Variants in IL7R observed in about 807,000 individuals in gnomAD.
IL7R encodes the protein interleukin-7 receptor subunit alpha.
Under a neutral mutation model 47.0 loss-of-function variants are expected in IL7R, and 38 were observed. That is an observed-to-expected ratio of 0.81 (90% CI 0.62 to 1.06). The LOEUF (loss-of-function observed/expected upper bound fraction) is 1.06. Ranked by LOEUF, IL7R falls within the 50% of genes least tolerant of loss-of-function variation. The pLI is 0.00. For missense variants in IL7R, 633 were observed against 534.8 expected (o/e 1.18, Z -1.81); for synonymous variants, 221 against 199.8 (o/e 1.11, Z -0.89).
At chr5:35,859,548 C>T (rs1361749848) in intron 1 of IL7R, among the ~76,000 whole-genome samples, 3 of 152,102 alleles carry the variant, frequency 2.0e-5, no homozygotes, top group South Asian at 2.1e-4. Context: ...CTGGGAATGG[C>T]CAGAAAAACA....
rs967283595 is a variant in IL7R at position 35,877,089 on chromosome 5, G to A, written c.*603G>A. The A allele has an allele frequency of 8.5e-6, 2 of 235,052 alleles. No homozygotes were observed. Among genetic ancestry groups the A allele is most frequent in the South Asian group, 1.8e-4 (1 of 5,644 alleles). The allele number at this position is 235,052 out of a possible 1,614,324, so 14.6% of individuals were successfully genotyped here. A position where few individuals can be genotyped will look rare whatever the true frequency, so the allele number is the denominator to read the frequency against. ...CTAATTGCAGTTCCCTGAGCCATGT[G>A]CCTTTCTCTTCACTGAGGACTGCCC... On this transcript the variant is annotated 3_prime_UTR_variant, in exon 8 of 8. Coordinates refer to ENST00000303115, the MANE Select transcript of IL7R (RefSeq NM_002185.5).
chr5:35,862,649 G>A (rs149690034), intron 2 of IL7R, among the ~76,000 whole-genome samples: 2 of 152,108 alleles, frequency 1.3e-5, no homozygotes, highest in African/African-American at 2.4e-5. Flanking sequence ...ACAGCCATAC[G>A]GTCATCCTTG....
chr5:35,879,497 G>A lies in IL7R; in HGVS notation c.*3011G>A, dbSNP rs1317381782. On this transcript the variant is annotated 3_prime_UTR_variant, in exon 8 of 8. Coordinates refer to ENST00000303115, the MANE Select transcript of IL7R (RefSeq NM_002185.5). ...TACAGTGAAGATCTCTGATTTAACCGTGTACTATCCACATGCATTACAAAC... is the reference window on the plus strand; with the variant it reads ...TACAGTGAAGATCTCTGATTTAACCATGTACTATCCACATGCATTACAAAC... 4 of 231,376 alleles carry A rather than the reference G, an allele frequency of 1.7e-5. No individual in the cohort carries two copies. Among genetic ancestry groups the A allele is most frequent in the African/African-American group, 4.4e-5 (2 of 45,176 alleles). 14.3% of individuals were successfully genotyped at this position (231,376 alleles called of 1,614,324 possible).
In IL7R at chr5:35,860,968, A is replaced by G. The variant is rs1303546381; in HGVS notation, c.199A>G (p.Thr67Ala). Residue 67 changes from threonine (T) to alanine (A), a missense_variant, in exon 2 of 8, where the codon ACC (threonine) becomes GCC (alanine). Thr to Ala is a moderately conservative substitution (Grantham distance 58). Coordinates refer to ENST00000303115, the MANE Select transcript of IL7R (RefSeq NM_002185.5). ...CAFEDPDVNI[T>A]NLEFEICGAL... ...TTTTGAGGACCCAGATGTCAACATC[A>G]CCAATCTGGAATTTGAAATATGGTG... is the stretch of plus-strand genomic sequence containing the variant. 6.2e-7 allele frequency: 1 copy of G among 1,613,496 alleles called. No individual in the cohort carries two copies. Among genetic ancestry groups the G allele is most frequent in the Non-Finnish European group, 8.5e-7 (1 of 1,179,482 alleles).
intron 4 of IL7R, among the ~76,000 whole-genome samples, chr5:35,872,032 C>A (rs1760084807): frequency 6.6e-6 from 1 of 152,124 alleles, no homozygotes; most frequent in South Asian, 2.1e-4. Flanking sequence ...CCCCAAACCA[C>A]CTGCTCCCTC....
chr5:35,875,138 A>G (rs3822731), intron 6 of IL7R, among the ~76,000 whole-genome samples: 19,975 of 152,248 alleles, frequency 0.13, 1,327 homozygotes, highest in East Asian at 0.14. Context: ...AGTAAAGAGA[A>G]GAAATAAAAA....
rs181084023 is a variant in IL7R at position 35,873,653 on chromosome 5, G to A, written c.706+5G>A. ...CAGAGATCAATAATAGCTCAGGTAAGGAATGGTGGTAGAGTTTTTGTTCCC... is the reference window on the plus strand; with the variant it reads ...CAGAGATCAATAATAGCTCAGGTAAAGAATGGTGGTAGAGTTTTTGTTCCC... On this transcript the variant is annotated splice_donor_5th_base_variant and intron_variant, in intron 5 of 7. Transcript: ENST00000303115. 1 of 1,613,402 alleles carries A rather than the reference G, an allele frequency of 6.2e-7. No individual in the cohort carries two copies. Among genetic ancestry groups the A allele is most frequent in the Non-Finnish European group, 8.5e-7 (1 of 1,179,336 alleles).
At chr5:35,858,928 C>A (rs947450078) in intron 1 of IL7R, among the ~76,000 whole-genome samples, 3 of 152,192 alleles carry the variant, frequency 2.0e-5, no homozygotes, top group African/African-American at 7.2e-5. Context: ...AGCTCTAACA[C>A]CACAGGTCTT....
At position 35,870,751 on chromosome 5, in the gene IL7R, C is replaced by A. The variant is rs11567747; in HGVS notation, c.380-305C>A. Among the ~76,000 whole-genome samples, 3,189 of 152,244 alleles carry A rather than the reference C, an allele frequency of 0.021. 125 individuals carry two copies. Among genetic ancestry groups the A allele is most frequent in the African/African-American group, 0.073 (3,045 of 41,526 alleles). On this transcript the variant is annotated intron_variant, in intron 3 of 7. Transcript: ENST00000303115. ...TCTTGTGGCTCCACCGTCTGTAATG[C>A]AGGACTCCAAGTGGTGGAAGAGGAC...
Position 35,878,761 on chromosome 5 carries a change from C to T in IL7R, c.*2275C>T, listed in dbSNP as rs886060541. The T allele has an allele frequency of 1.3e-5, 3 of 232,844 alleles. No individual in the cohort carries two copies. The highest frequency in any genetic ancestry group is 2.5e-5 in the Non-Finnish European group (3 of 117,906). The allele number at this position is 232,844 out of a possible 1,614,324, so 14.4% of individuals were successfully genotyped here. On this transcript the variant is annotated 3_prime_UTR_variant, in exon 8 of 8. Coordinates refer to ENST00000303115, the MANE Select transcript of IL7R (RefSeq NM_002185.5). Reference sequence around the variant, plus strand: ...CAGGAAGACAGGTAAATTACCCAACCTCACACGTTAAGTCAGAACTGGGAG... The same window carrying T: ...CAGGAAGACAGGTAAATTACCCAACTTCACACGTTAAGTCAGAACTGGGAG...
Position 35,860,997 on chromosome 5 carries a change from G to A in IL7R, c.221+7G>A, listed in dbSNP as rs200937717. Reference sequence around the variant, plus strand: ...ATCTGGAATTTGAAATATGGTGAGGGATGGTGGTTTTAATGGTTGCTTAGA... The same window carrying A: ...ATCTGGAATTTGAAATATGGTGAGGAATGGTGGTTTTAATGGTTGCTTAGA... On this transcript the variant is annotated splice_region_variant and intron_variant, in intron 2 of 7. Coordinates refer to ENST00000303115, the MANE Select transcript of IL7R (RefSeq NM_002185.5). The A allele has an allele frequency of 7.4e-6, 12 of 1,613,204 alleles. No individual in the cohort carries two copies. Among genetic ancestry groups the A allele is most frequent in the Non-Finnish European group, 1.0e-5 (12 of 1,179,244 alleles).
chr5:35,877,679 A>G lies in IL7R; in HGVS notation c.*1193A>G, dbSNP rs1194819766. ...AGAGGCTGCCACAAACTTCAGGGAG[A>G]AAGAGTTACAAGTACATGCAATGAG... On this transcript the variant is annotated 3_prime_UTR_variant, in exon 8 of 8. Coordinates refer to ENST00000303115, the MANE Select transcript of IL7R (RefSeq NM_002185.5). 4.3e-6 allele frequency: 1 copy of G among 233,268 alleles called. No homozygotes were observed. The highest frequency in any genetic ancestry group is 8.5e-6 in the Non-Finnish European group (1 of 118,110). The allele number at this position is 233,268 out of a possible 1,614,324, so 14.4% of individuals were successfully genotyped here. A position where few individuals can be genotyped will look rare whatever the true frequency, so the allele number is the denominator to read the frequency against.
intron 2 of IL7R, among the ~76,000 whole-genome samples, chr5:35,865,640 A>G (rs1206389850): frequency 6.6e-6 from 1 of 152,144 alleles, no homozygotes; most frequent in Non-Finnish European, 1.5e-5. Flanking sequence ...TGACTTTTTA[A>G]TGATCACCAT....
chr5:35,875,613 TG>T, intron 7 of IL7R, 26 bp downstream of exon 7: 1 of 1,545,936 alleles, frequency 6.5e-7, no homozygotes, highest in African/African-American at 1.4e-5. Context: ...GCTTAAAAAG[TG>T]TTGTGTTGGC....
At chr5:35,866,812 A>T (rs549994815) in intron 2 of IL7R, among the ~76,000 whole-genome samples, 1 of 152,210 alleles carries the variant, frequency 6.6e-6, no homozygotes, top group East Asian at 1.9e-4. Flanking sequence ...AGGGTTCACC[A>T]GCCAAAATTA....
chr5:35,875,819 G>A (rs1001067467), intron 7 of IL7R, 164 bp from the exon 8 acceptor site: 1 of 855,680 alleles, frequency 1.2e-6, no homozygotes, highest in African/African-American at 1.7e-5. Context: ...TTCAAGTCTT[G>A]AAGTGTCTCA....
chr5:35,867,252 T>TGA, intron 2 of IL7R, 54 bp from the exon 3 acceptor site: 1 of 1,498,142 alleles, frequency 6.7e-7, no homozygotes, highest in Non-Finnish European at 9.3e-7. Context: ...ACTATTCCAC[T>TGA]GCATACAGGA....
At chr5:35,869,123 G>A (rs1760010019) in intron 3 of IL7R, among the ~76,000 whole-genome samples, 2 of 152,096 alleles carry the variant, frequency 1.3e-5, no homozygotes, top group Admixed American at 6.5e-5. Flanking sequence ...TTCATTAATG[G>A]AACTACCATT....
At position 35,865,182 on chromosome 5, in the gene IL7R, TC is replaced by T. The variant is rs533612314; in HGVS notation, c.222-2121del. On this transcript the variant is annotated intron_variant, in intron 2 of 7. Transcript: ENST00000303115. ...TGTCCAAGTGCTCTTATCGTTCAAT[TC>T]CCATCTATGAGTGAGAACATGCAGT... Among the ~76,000 whole-genome samples the T allele has an allele frequency of 1.3e-3, 201 of 152,286 alleles. 2 individuals carry two copies. The highest frequency in any genetic ancestry group is 6.8e-3 in the Middle Eastern group (2 of 294).
Sources: allele counts gnomAD v4.1 joint callset (sites outside exome capture counted in the v4.1 genomes callset), GRCh38; gene constraint gnomAD v4.1.1; transcripts MANE v1.5; gene names NCBI Gene and HGNC (gene_info 2026-07-23, HGNC 2026-07-21).